Variants in GRTP1 observed in about 807,000 individuals in gnomAD.
GRTP1 encodes the protein growth hormone-regulated TBC protein 1.
Under a neutral mutation model 38.1 loss-of-function variants are expected in GRTP1, and 56 were observed. The observed-to-expected ratio is 1.47, with a 90% CI of 1.19 to 1.84. The LOEUF is 1.84. Ranked by LOEUF, GRTP1 falls within the 40% of genes most tolerant of loss-of-function variation. The probability of loss-of-function intolerance (pLI) is 0.00; values close to 1 mark genes in which losing one functional copy is unlikely to be tolerated. For synonymous variants in GRTP1, 217 were observed against 189.5 expected (o/e 1.14, Z -1.19); for missense variants, 506 against 453.9 (o/e 1.11, Z -1.04).
chr13:113,355,080 C>T, intron 3 of GRTP1: 2 of 462,778 alleles, frequency 4.3e-6, no homozygotes, highest in South Asian at 6.9e-5. Flanking sequence ...AGCGCATCTG[C>T]TCCTTCATGC....
At chr13:113,361,473 A>T (rs1462390716) in intron 2 of GRTP1, 2 of 152,252 alleles carry the variant, frequency 1.3e-5, no homozygotes, top group African/African-American at 4.8e-5. Context: ...GACAGACCCA[A>T]ATGGCAAAGG....
chr13:113,328,187 CCTT>C (rs2042803536), intron 5 of GRTP1, among the ~76,000 whole-genome samples: 3 of 152,196 alleles, frequency 2.0e-5, no homozygotes, highest in Admixed American at 1.3e-4. Context: ...TTGTCCCTGT[CCTT>C]CTGGGGACAT....
intron 5 of GRTP1, chr13:113,339,604 CAA>C (rs2042999957): frequency 6.6e-6 from 1 of 152,232 alleles, no homozygotes; most frequent in Admixed American, 6.5e-5. Flanking sequence ...ATATATCTCA[CAA>C]AAGACATTCC....
At chr13:113,341,151 C>A (rs1354773672) in intron 5 of GRTP1, among the ~76,000 whole-genome samples, 2 of 151,498 alleles carry the variant, frequency 1.3e-5, no homozygotes, top group East Asian at 3.9e-4. Context: ...CACGAATGCA[C>A]CAATCACGAC....
intron 3 of GRTP1, among the ~76,000 whole-genome samples, chr13:113,354,502 A>T (rs1291585071): frequency 6.6e-6 from 1 of 152,166 alleles, no homozygotes; most frequent in Non-Finnish European, 1.5e-5. Flanking sequence ...TGTACTTTCT[A>T]AAAATCTATT....
At chr13:113,333,874 T>TGTGTGTGC (rs33972835) in intron 5 of GRTP1, among the ~76,000 whole-genome samples, 8,918 of 135,154 alleles carry the variant, frequency 0.066, 423 homozygotes, top group South Asian at 0.1. Context: ...TGTGTGTGTG[T>TGTGTGTGC]CCGAGGCTGG....
At chr13:113,352,353 ATATAT>A (rs1161705466) in intron 3 of GRTP1, among the ~76,000 whole-genome samples, 2 of 90,868 alleles carry the variant, frequency 2.2e-5, no homozygotes, top group Non-Finnish European at 4.2e-5. Context: ...ATATATTTAT[ATATAT>A]TTTATATATA....
intron 5 of GRTP1, among the ~76,000 whole-genome samples, chr13:113,331,450 C>T (rs532420472): frequency 1.3e-5 from 2 of 152,082 alleles, no homozygotes; most frequent in Non-Finnish European, 2.9e-5. Context: ...CAAGAAGGCA[C>T]AGCAAGGACA....
rs955933286 is a variant in GRTP1, at chr13:113,342,349, CA to C, written c.562+2513del. ...TGAAACCCCATCTCTACTAAAAATA[CA>C]AAAAAAAATTGGCCAGGCGTAGTGG... On this transcript the variant is annotated intron_variant, in intron 5 of 7. Transcript: ENST00000375431. This position sits in a 1 kb window ranked among gnomAD's most constrained non-coding sequence, Gnocchi z 4.5. Among the ~76,000 whole-genome samples, 36 of 150,450 alleles carry C rather than the reference CA, an allele frequency of 2.4e-4. No homozygotes were observed. The highest frequency in any genetic ancestry group is 4.4e-4 in the Non-Finnish European group (30 of 67,538).
chr13:113,346,492 C>A lies in GRTP1; in HGVS notation c.466-1533G>T, dbSNP rs866070009. ...GACCCGGGAGGACCTCTGTGCCTGA[C>A]AGTGGACCCGGGAGGACCTCTGTGG... On this transcript the variant is annotated intron_variant, in intron 4 of 7. Transcript: ENST00000375431. Among the ~76,000 whole-genome samples the A allele has an allele frequency of 8.3e-3, 44 of 5,278 alleles. 2 individuals are homozygous for A. Among genetic ancestry groups the A allele is most frequent in the African/African-American group, 8.9e-3 (43 of 4,840 alleles). The allele number at this position is 5,278 out of a possible 152,430, so 3.5% of individuals were successfully genotyped here.
chr13:113,354,996 C>T lies in GRTP1; in HGVS notation c.340+327G>A, dbSNP rs551279122. On this transcript the variant is annotated intron_variant, in intron 3 of 7. Coordinates refer to ENST00000375431, the MANE Select transcript of GRTP1 (RefSeq NM_024719.4). ...TCATGAGCGCAGCTGCGTCCGAAGG[C>T]CGCGTGAACAGTGCCCGGTGCGAAG... Among the ~76,000 whole-genome samples the T allele has an allele frequency of 2.1e-4, 32 of 152,352 alleles. No individual in the cohort carries two copies. The South Asian group carries it at 6.4e-3, about 31-fold the overall frequency.
intron 5 of GRTP1, among the ~76,000 whole-genome samples, chr13:113,334,089 C>A (rs2042920046): frequency 6.6e-6 from 1 of 152,088 alleles, no homozygotes; most frequent in African/African-American, 2.4e-5. Context: ...CCCACCTCAG[C>A]CTCCCAAAGT....
chr13:113,325,438 C>T lies in GRTP1; in HGVS notation c.921+223G>A, dbSNP rs2042745128. ...GTACAGCCATTAGGACCAGGAGCAG[C>T]GTCCGCAGTGCCAGGGCCAAGAAGA... On this transcript the variant is annotated intron_variant, in intron 7 of 7. Coordinates refer to ENST00000375431, the MANE Select transcript of GRTP1 (RefSeq NM_024719.4). 12 of 1,444,330 alleles carry T rather than the reference C, an allele frequency of 8.3e-6. No homozygotes were observed. The Middle Eastern group carries it at 7.5e-4, about 90-fold the overall frequency. 89.5% of individuals were successfully genotyped at this position (1,444,330 alleles called of 1,614,324 possible).
chr13:113,354,294 C>G (rs1244390621), intron 3 of GRTP1, among the ~76,000 whole-genome samples: 1 of 152,100 alleles, frequency 6.6e-6, no homozygotes, highest in African/African-American at 2.4e-5. Context: ...AGCCCCAGCT[C>G]CCAGCCTTGG....
At chr13:113,363,513 G>A (rs984278388) in intron 2 of GRTP1, among the ~76,000 whole-genome samples, 1 of 152,178 alleles carries the variant, frequency 6.6e-6, no homozygotes, top group Non-Finnish European at 1.5e-5. Flanking sequence ...CATGGATCGA[G>A]TTTTGATCCA....
chr13:113,344,771 T>G, intron 5 of GRTP1, 92 bp downstream of exon 5: 4 of 769,192 alleles, frequency 5.2e-6, no homozygotes, highest in East Asian at 3.7e-5. Context: ...AATTCAACCA[T>G]GTTTTAATTA....
At chr13:113,341,357 C>T (rs905229780) in intron 5 of GRTP1, among the ~76,000 whole-genome samples, 4 of 151,300 alleles carry the variant, frequency 2.6e-5, no homozygotes, top group Admixed American at 6.6e-5. Flanking sequence ...ACCTCTGTCC[C>T]CTGGGTTCAA....
At chr13:113,329,588 A>G (rs966657491) in intron 5 of GRTP1, among the ~76,000 whole-genome samples, 20 of 152,156 alleles carry the variant, frequency 1.3e-4, no homozygotes, top group Admixed American at 9.8e-4. Flanking sequence ...CATCTCAAAA[A>G]ATAAAAAATA....
intron 5 of GRTP1, among the ~76,000 whole-genome samples, chr13:113,335,976 G>C (rs1267539831): frequency 1.3e-5 from 2 of 151,920 alleles, no homozygotes; most frequent in Non-Finnish European, 2.9e-5. Flanking sequence ...TATTTTAGTA[G>C]AGAAAGGGTT....
Sources: gnomAD v4.1 joint callset for allele counts (sites outside exome capture counted in the v4.1 genomes callset) on GRCh38, gnomAD v4.1.1 for gene constraint, Gnocchi (gnomAD v3.1) non-coding constraint, MANE v1.5 for transcripts, NCBI Gene and HGNC (gene_info 2026-07-23, HGNC 2026-07-21) for gene names.